The following RANBP2 variants were observed in gnomAD, a reference collection of about 807,000 sequenced individuals.
RANBP2 encodes RAN binding protein 2.
In RANBP2, 57 loss-of-function variants were observed where a neutral mutation model predicts 303.6. The observed-to-expected ratio is 0.19, with a 90% confidence interval of 0.15 to 0.23. The LOEUF (loss-of-function observed/expected upper bound fraction) is 0.23. Among genes scored for constraint, RANBP2 ranks in the 10% least tolerant of loss-of-function variants. RANBP2 has a pLI of 1.00. For missense variants in RANBP2, 3,138 were observed against 3,780.8 expected (o/e 0.83, Z 4.46); for synonymous variants, 1,167 against 1,301.5 (o/e 0.90, Z 2.23).
chr2:109,437,137 A>T, the RANBP2 span: 1 of 1,610,268 alleles, frequency 6.2e-7, no homozygotes, highest in Non-Finnish European at 8.5e-7. Context: ...CCGGAGCACC[A>T]TTTCAACAGG....
the RANBP2 span, among the ~76,000 whole-genome samples, chr2:109,078,384 T>A: frequency 7.5e-5 from 11 of 145,794 alleles, no homozygotes; most frequent in South Asian, 2.4e-3. Flanking sequence ...TGGGACATTA[T>A]GCTAAGTGAA....
the RANBP2 span, among the ~76,000 whole-genome samples, chr2:109,185,456 AC>A: frequency 6.6e-6 from 1 of 152,256 alleles, no homozygotes; most frequent in Non-Finnish European, 1.5e-5. Flanking sequence ...AGTTAATTTA[AC>A]AAAATAAACT....
the RANBP2 span, among the ~76,000 whole-genome samples, chr2:108,995,051 C>T: frequency 2.0e-5 from 3 of 151,934 alleles, no homozygotes; most frequent in Non-Finnish European, 2.9e-5. Flanking sequence ...AGGATGGTCT[C>T]GATCTCCTGA....
At chr2:109,304,728 T>C in the RANBP2 span, among the ~76,000 whole-genome samples, 3 of 152,206 alleles carry the variant, frequency 2.0e-5, no homozygotes, top group East Asian at 3.8e-4. Context: ...CCACAGCATA[T>C]AGGAGCTAAT....
chr2:108,930,852 T>C, the RANBP2 span: 4 of 1,180,504 alleles, frequency 3.4e-6, no homozygotes, highest in Non-Finnish European at 5.1e-6. Context: ...AAGAACCCTG[T>C]GGAGGAGGGA....
chr2:109,338,984 C>T, the RANBP2 span, among the ~76,000 whole-genome samples: 7 of 152,116 alleles, frequency 4.6e-5, no homozygotes, highest in South Asian at 2.1e-4. Flanking sequence ...TAGAATAAAG[C>T]GAGCTAGAGA....
the RANBP2 span, among the ~76,000 whole-genome samples, chr2:109,461,418 G>A: frequency 6.6e-6 from 1 of 151,226 alleles, no homozygotes; most frequent in African/African-American, 2.4e-5. Flanking sequence ...GCCCCACGTA[G>A]CATCCCTGTC....
At chr2:109,016,230 G>A in the RANBP2 span, among the ~76,000 whole-genome samples, 46 of 151,782 alleles carry the variant, frequency 3.0e-4, no homozygotes, top group South Asian at 6.2e-4. Flanking sequence ...TACAGGCGCC[G>A]GCCACCACGC....
the RANBP2 span, among the ~76,000 whole-genome samples, chr2:109,168,531 C>A: frequency 6.6e-6 from 1 of 152,360 alleles, no homozygotes; most frequent in Non-Finnish European, 1.5e-5. Flanking sequence ...TCTGCAACAT[C>A]TTCTTACACT....
the RANBP2 span, among the ~76,000 whole-genome samples, chr2:109,351,565 C>T: frequency 6.6e-6 from 1 of 152,244 alleles, no homozygotes; most frequent in East Asian, 1.9e-4. Context: ...ATTGTGGTCG[C>T]CTTGCCAGGC....
chr2:109,140,123 C>T, the RANBP2 span, among the ~76,000 whole-genome samples: 1 of 152,156 alleles, frequency 6.6e-6, no homozygotes, highest in Non-Finnish European at 1.5e-5. Flanking sequence ...TCCCTCTGTC[C>T]ACCGTCCCCT....
chr2:108,988,192 A>G, the RANBP2 span, among the ~76,000 whole-genome samples: 19 of 152,140 alleles, frequency 1.2e-4, no homozygotes, highest in African/African-American at 4.6e-4. Context: ...CCAGCACAAC[A>G]TGGGCAGGGA....
the RANBP2 span, chr2:108,794,476 C>T: frequency 2.1e-6 from 3 of 1,422,380 alleles, no homozygotes; most frequent in African/African-American, 2.9e-5. Flanking sequence ...CTAAAGGTTA[C>T]TCTGAGAATA....
At chr2:109,379,090 C>T in the RANBP2 span, among the ~76,000 whole-genome samples, 4 of 152,220 alleles carry the variant, frequency 2.6e-5, no homozygotes, top group African/African-American at 7.2e-5. Flanking sequence ...TGGGCTCCGC[C>T]GCTCTTGGTG....
At chr2:108,720,331 G>A (rs1479093296) in intron 1 of RANBP2, among the ~76,000 whole-genome samples, 8 of 147,574 alleles carry the variant, frequency 5.4e-5, no homozygotes, top group South Asian at 4.4e-4. Context: ...CTCCCCGCCC[G>A]GAACACTTTG....
chr2:108,935,178 T>C, the RANBP2 span, among the ~76,000 whole-genome samples: 3 of 152,204 alleles, frequency 2.0e-5, no homozygotes, highest in Non-Finnish European at 2.9e-5. Context: ...CGACCTGCTC[T>C]CTCTTCCTCT....
chr2:109,279,136 G>A, the RANBP2 span, among the ~76,000 whole-genome samples: 1 of 152,140 alleles, frequency 6.6e-6, no homozygotes, highest in Non-Finnish European at 1.5e-5. Context: ...ACCATCCATG[G>A]GATATTGAGT....
chr2:108,931,698 T>C, the RANBP2 span, among the ~76,000 whole-genome samples: 6,158 of 152,258 alleles, frequency 0.04, 287 homozygotes, highest in African/African-American at 0.11. Flanking sequence ...CACGAATGCA[T>C]TCCCTTGAAG....
At chr2:109,108,821 G>A in the RANBP2 span, among the ~76,000 whole-genome samples, 5 of 152,134 alleles carry the variant, frequency 3.3e-5, no homozygotes, top group Non-Finnish European at 7.3e-5. Context: ...AGTCTTTGCC[G>A]CCTCCCTGTC....
Sources: allele counts gnomAD v4.1 joint callset (sites outside exome capture counted in the v4.1 genomes callset), GRCh38; gene constraint gnomAD v4.1.1; transcripts MANE v1.5; gene names NCBI Gene and HGNC (gene_info 2026-07-23, HGNC 2026-07-21).